CP: variants seen among roughly 807,000 people sequenced by gnomAD.
CP encodes caeruloplasmin.
In CP, 64 loss-of-function variants were observed where a neutral mutation model predicts 122.4. The observed-to-expected ratio is 0.52, with a 90% CI of 0.43 to 0.64. CP has a LOEUF of 0.64. Among genes scored for constraint, CP ranks in the 30% least tolerant of loss-of-function variants. The probability of loss-of-function intolerance (pLI) is 0.00; values close to 1 mark genes in which losing one functional copy is unlikely to be tolerated. For synonymous variants in CP, 440 were observed against 436.4 expected (o/e 1.01, Z -0.10); for missense variants, 1,167 against 1,284.4 (o/e 0.91, Z 1.40).
intron 1 of CP, among the ~76,000 whole-genome samples, chr3:149,215,434 A>G (rs1210266626): frequency 1.3e-5 from 2 of 152,206 alleles, no homozygotes; most frequent in East Asian, 3.8e-4. Context: ...AAAATTATTG[A>G]TCTGAAGGTA....
At chr3:149,164,953 G>T (rs1049904276) in intron 5 of CP, among the ~76,000 whole-genome samples, 8 of 152,118 alleles carry the variant, frequency 5.3e-5, no homozygotes, top group South Asian at 2.1e-4. Context: ...GTTACTTAGT[G>T]TCAAATTGGG....
chr3:149,192,185 A>G (rs1274094982), intron 9 of CP, among the ~76,000 whole-genome samples: 1 of 152,132 alleles, frequency 6.6e-6, no homozygotes, highest in Non-Finnish European at 1.5e-5. Flanking sequence ...ACAATGTGGT[A>G]CAGGTACTGG....
At chr3:149,168,082 C>T (rs1480108228), downstream of CP, 9 of 758,842 alleles carry the variant, frequency 1.2e-5, no homozygotes, top group South Asian at 1.0e-4. Context: ...CAAGTGAAAC[C>T]GAGGGCCTTT....
At chr3:149,190,861 A>G (rs1386424615) in intron 9 of CP, among the ~76,000 whole-genome samples, 1 of 152,214 alleles carries the variant, frequency 6.6e-6, no homozygotes, top group African/African-American at 2.4e-5. Context: ...AGCAAAAGCT[A>G]AACTAATTTC....
At chr3:149,176,497 T>G (rs1203848355) in intron 17 of CP, 85 bp from the exon 18 acceptor site, 5 of 1,084,638 alleles carry the variant, frequency 4.6e-6, no homozygotes, top group Non-Finnish European at 6.9e-6. Flanking sequence ...CTCAGGGATA[T>G]TGAAAAAATG....
At chr3:149,206,390 T>C (rs34003547) in intron 5 of CP, 51 bp from the exon 6 acceptor site, 21,943 of 1,603,822 alleles carry the variant, frequency 0.014, 235 homozygotes, top group Middle Eastern at 0.02. Flanking sequence ...TGTTTCTCTC[T>C]CCTATTGCCC....
intron 14 of CP, 78 bp downstream of exon 14, chr3:149,181,927 T>A: frequency 1.3e-6 from 2 of 1,521,866 alleles, no homozygotes; most frequent in Admixed American, 3.3e-5. Flanking sequence ...GTCCAGACTC[T>A]CTATGATGAG....
At chr3:149,179,270 A>G (rs1725628704) in intron 15 of CP, among the ~76,000 whole-genome samples, 2 of 152,134 alleles carry the variant, frequency 1.3e-5, no homozygotes, top group South Asian at 2.1e-4. Context: ...ATGCAAATAT[A>G]CTGCCATTCT....
rs1043708453 is a variant in CP, at chr3:149,184,128, C to T, written c.2286-523G>A. On this transcript the variant is annotated intron_variant, in intron 12 of 18. Transcript: ENST00000264613. ...TCCGCTCACTGCAAGCTCTGCCTCC[C>T]GGGTTCACGCCATTCTCCTGCTTCA... 5.4e-5 allele frequency among the ~76,000 whole-genome samples: 8 copies of T among 148,014 alleles called. No homozygotes were observed. The East Asian group carries it at 1.4e-3, about 26-fold the overall frequency.
chr3:149,183,495 T>C lies in CP; in HGVS notation c.2396A>G (p.Lys799Arg). The C allele has an allele frequency of 6.2e-7, 1 of 1,611,842 alleles. No homozygotes were observed. Among genetic ancestry groups the C allele is most frequent in the Non-Finnish European group, 8.5e-7 (1 of 1,179,878 alleles). The change falls in exon 13 of 19, where the codon AAA becomes AGA. Residue 799 changes from lysine (K) to arginine (R), a missense_variant. Lys to Arg is a conservative substitution (Grantham distance 26, BLOSUM62 2). Transcript: ENST00000264613. ...AATTCCCAGATGTTCTTCTTCAGCT[T>C]TTCTCTCCACTGGAACACGGAATGT... ...DSTFRVPVER[K>R]AEEEHLGILG...
Position 149,199,631 on chromosome 3 carries a change from A to T in CP, c.1501+81T>A, listed in dbSNP as rs1727163112. On this transcript the variant is annotated intron_variant, in intron 8 of 18. Transcript: ENST00000264613. ...GGTTTCCTTGGGAGTTCCTGCCTTC[A>T]GTTTTTGCAGCATACTGTCAGTGAC... The T allele has an allele frequency of 2.0e-5, 31 of 1,549,464 alleles. No homozygotes were observed. In the South Asian group the frequency reaches 3.5e-4, roughly 17 times the overall value.
Position 149,172,787 on chromosome 3 carries a change from T to G in CP, c.*927A>C, listed in dbSNP as rs1576720080. ...AAAACTCATGCTCTGTTTCTCTGAA[T>G]CAAATGAAGTAGAAGTTTACAAAGC... On this transcript the variant is annotated 3_prime_UTR_variant, in exon 19 of 19. Coordinates refer to ENST00000264613, the MANE Select transcript of CP (RefSeq NM_000096.4). The G allele has an allele frequency of 1.3e-5, 2 of 153,018 alleles. No homozygotes were observed. Among genetic ancestry groups the G allele is most frequent in the South Asian group, 4.1e-4 (2 of 4,832 alleles). The allele number at this position is 153,018 out of a possible 1,614,324, so 9.5% of individuals were successfully genotyped here.
chr3:149,204,546 A>G (rs1727572470), intron 6 of CP, among the ~76,000 whole-genome samples: 1 of 152,192 alleles, frequency 6.6e-6, no homozygotes, highest in African/African-American at 2.4e-5. Flanking sequence ...GTTGGGAGTA[A>G]TCACATGTAG....
intron 6 of CP, among the ~76,000 whole-genome samples, chr3:149,205,648 C>T (rs142661934): frequency 6.1e-4 from 93 of 152,016 alleles, no homozygotes; most frequent in African/African-American, 2.2e-3. Context: ...ACAAAAGAAC[C>T]AATATTGTAT....
At chr3:149,216,316 C>A (rs1016397376) in intron 1 of CP, among the ~76,000 whole-genome samples, 8 of 152,156 alleles carry the variant, frequency 5.3e-5, no homozygotes, top group African/African-American at 1.9e-4. Flanking sequence ...CTGCCTAGCT[C>A]ATTTGGGTTA....
In CP at chr3:149,199,718, T is replaced by C. The variant is rs770354550; in HGVS notation, c.1495A>G (p.Ser499Gly). ...CACAGTGCTGTATACTCACTTCTGC[T>C]CTGGGGGTTGTAATTTGGGGAATAG... Reference protein sequence around the residue: ...TYYSPNYNPQSRSVPPSASHV... With the variant: ...TYYSPNYNPQGRSVPPSASHV... The change falls in exon 8 of 19, where the codon AGC (serine) becomes GGC (glycine). Residue 499 changes from serine to glycine, a missense_variant. By Grantham distance (56) the Ser-to-Gly change is moderately conservative. Transcript: ENST00000264613. The C allele has an allele frequency of 6.8e-6, 11 of 1,614,096 alleles. No individual in the cohort carries two copies. The East Asian group carries it at 2.2e-4, about 33-fold the overall frequency.
At position 149,210,655 on chromosome 3, in the gene CP, A is replaced by G. The variant is rs556754790; in HGVS notation, c.395-276T>C. 1.8e-4 allele frequency among the ~76,000 whole-genome samples: 28 copies of G among 152,276 alleles called. No individual in the cohort carries two copies. In the East Asian group the frequency reaches 5.2e-3, roughly 28 times the overall value. ...CAATGTAAAGAACTCGGGTCATGGT[A>G]TGGGAGTCTGAGCAAAAAGGCTACC... On this transcript the variant is annotated intron_variant, in intron 2 of 18. Coordinates refer to ENST00000264613, the MANE Select transcript of CP (RefSeq NM_000096.4).
intron 1 of CP, among the ~76,000 whole-genome samples, chr3:149,213,861 C>T (rs749873606): frequency 6.6e-6 from 1 of 152,132 alleles, no homozygotes; most frequent in Non-Finnish European, 1.5e-5. Context: ...GAGCTCTGGA[C>T]TTTCACTGCT....
intron 9 of CP, among the ~76,000 whole-genome samples, chr3:149,188,518 A>G (rs973004438): frequency 1.3e-4 from 20 of 149,658 alleles, no homozygotes; most frequent in African/African-American, 4.7e-4. Flanking sequence ...AAAAAAAAAA[A>G]AGTTAAAATA....
Sources: gnomAD v4.1 joint callset for allele counts (sites outside exome capture counted in the v4.1 genomes callset) on GRCh38, gnomAD v4.1.1 for gene constraint, MANE v1.5 for transcripts, NCBI Gene and HGNC (gene_info 2026-07-23, HGNC 2026-07-21) for gene names.